The following GRIP1 variants were observed in gnomAD, a reference collection of about 807,000 sequenced individuals.
The protein encoded by GRIP1 is glutamate receptor interacting protein 1.
GRIP1 carries 45 observed loss-of-function variants against 129.9 expected under a neutral mutation model. The ratio of observed to expected loss-of-function variants is 0.35; its 90% CI spans 0.27 to 0.44. GRIP1 has a LOEUF of 0.44. Ranked by LOEUF, GRIP1 falls within the 20% of genes least tolerant of loss-of-function variation. The pLI, the probability that GRIP1 is intolerant of heterozygous loss-of-function variation, is 1.00. For synonymous variants in GRIP1, 530 were observed against 520.8 expected, an observed-to-expected ratio of 1.02 and a Z score of -0.24; for missense variants, 1,196 against 1,396.8, an observed-to-expected ratio of 0.86 and a Z score of 2.29.
chr12:66,948,518 A>G (rs1027288496), intron 1 of GRIP1, among the ~76,000 whole-genome samples: 1 of 152,214 alleles, frequency 6.6e-6, no homozygotes, highest in Non-Finnish European at 1.5e-5. Flanking sequence ...GGCTCATAGA[A>G]GAAGATTATG....
chr12:66,758,022 T>C (rs1185609697), intron 1 of GRIP1, among the ~76,000 whole-genome samples: 2 of 152,012 alleles, frequency 1.3e-5, no homozygotes, highest in Non-Finnish European at 2.9e-5. Flanking sequence ...TATTTTACTA[T>C]AAAAATAAAA....
intron 1 of GRIP1, among the ~76,000 whole-genome samples, chr12:66,938,138 G>A (rs2041517637): frequency 6.6e-6 from 1 of 152,152 alleles, no homozygotes; most frequent in African/African-American, 2.4e-5. Flanking sequence ...AGCACTTTGG[G>A]AGGCCAAGGC....
chr12:66,590,957 C>G (rs910895971), intron 2 of GRIP1, among the ~76,000 whole-genome samples: 1 of 152,166 alleles, frequency 6.6e-6, no homozygotes, highest in Non-Finnish European at 1.5e-5. Flanking sequence ...AGATTCCTCA[C>G]AGAGAAAATC....
intron 1 of GRIP1, among the ~76,000 whole-genome samples, chr12:66,722,360 G>A (rs1030669965): frequency 1.3e-5 from 2 of 152,230 alleles, no homozygotes; most frequent in African/African-American, 4.8e-5. Context: ...TCCCAGGAGA[G>A]GGAGACAGAC....
chr12:66,684,642 C>T (rs1336303941), intron 1 of GRIP1, among the ~76,000 whole-genome samples: 1 of 152,078 alleles, frequency 6.6e-6, no homozygotes, highest in Non-Finnish European at 1.5e-5. Context: ...GTCAGGAGTT[C>T]AAGACCAGTC....
chr12:67,050,650 CT>C (rs1336417586), intron 1 of GRIP1, among the ~76,000 whole-genome samples: 1 of 152,120 alleles, frequency 6.6e-6, no homozygotes. Flanking sequence ...TATACCTGCT[CT>C]TAAGATTTTT....
At chr12:66,617,125 G>GTGTGTGTGTC (rs905683857) in intron 1 of GRIP1, among the ~76,000 whole-genome samples, 2 of 150,010 alleles carry the variant, frequency 1.3e-5, no homozygotes, top group African/African-American at 4.9e-5. Context: ...GTGTGTGTGT[G>GTGTGTGTGTC]TCTGCACGTG....
Position 67,044,298 on chromosome 12 carries a change from T to C in GRIP1, c.58+24752A>G, listed in dbSNP as rs576844899. ...CAAGAACTTTTTCCCCTAAATTTAA[T>C]ATGCGAATTGCTCCCAACTTGAGAG... On this transcript the variant is annotated intron_variant, in intron 1 of 1. Coordinates refer to the GRIP1 transcript ENST00000643019. Among the ~76,000 whole-genome samples the C allele has an allele frequency of 1.4e-3, 211 of 152,344 alleles. 1 individual carries two copies. The South Asian group carries it at 0.015, about 11-fold the overall frequency.
upstream of GRIP1, among the ~76,000 whole-genome samples, chr12:66,806,376 T>C (rs74098247): frequency 0.016 from 2,423 of 152,298 alleles, 76 homozygotes; most frequent in African/African-American, 0.056. Context: ...TTGAAAAAAT[T>C]GTCAACTTTC....
Position 66,349,129 on chromosome 12 carries a change from T to C in GRIP1, c.3277A>G (p.Ile1093Val), listed in dbSNP as rs1366157454. 2.5e-6 allele frequency: 4 copies of C among 1,614,024 alleles called. No homozygotes were observed. Among genetic ancestry groups the C allele is most frequent in the Non-Finnish European group, 3.4e-6 (4 of 1,179,868 alleles). Reference protein sequence around the residue: ...SRNPLASQKSIDQQSLPGDWS... With the variant: ...SRNPLASQKSVDQQSLPGDWS... ...TCTCCTGGTAGACTCTGTTGGTCTA[T>C]AGACTTCTGTGAAGCCAGTGGGTTT... Residue 1093 changes from isoleucine (I) to valine (V), a missense_variant, in exon 25 of 25, where the codon ATA (isoleucine) becomes GTA (valine). Physicochemically the swap from Ile to Val is conservative, Grantham distance 29 (BLOSUM62 3). Coordinates refer to ENST00000359742, the MANE Select transcript of GRIP1 (RefSeq NM_001366722.1).
At chr12:66,728,341 C>A (rs1478649133) in intron 1 of GRIP1, among the ~76,000 whole-genome samples, 9 of 152,140 alleles carry the variant, frequency 5.9e-5, no homozygotes, top group Admixed American at 5.9e-4. Context: ...TGCAGGGCTG[C>A]AACGGCTCAT....
chr12:66,846,601 A>G (rs2039820581), intron 1 of GRIP1, among the ~76,000 whole-genome samples: 1 of 152,218 alleles, frequency 6.6e-6, no homozygotes, highest in African/African-American at 2.4e-5. Context: ...GAGGCTATGA[A>G]TATGTTTCTT....
chr12:66,856,383 A>T (rs1469082290), intron 1 of GRIP1, among the ~76,000 whole-genome samples: 1 of 152,148 alleles, frequency 6.6e-6, no homozygotes, highest in East Asian at 1.9e-4. Flanking sequence ...GGATCTAATT[A>T]AACTAAAGAG....
chr12:66,973,919 C>CTTTTTTTTTTTTTTTTTTT (rs535699240), intron 1 of GRIP1, among the ~76,000 whole-genome samples: 1 of 121,358 alleles, frequency 8.2e-6, no homozygotes, highest in Non-Finnish European at 1.7e-5. Flanking sequence ...CTTTTCTTTT[C>CTTTTTTTTTTTTTTTTTTT]TTTTTTTTTT....
intron 1 of GRIP1, among the ~76,000 whole-genome samples, chr12:66,758,033 C>A (rs1039763915): frequency 6.6e-6 from 1 of 151,742 alleles, no homozygotes. Context: ...AAAAATAAAA[C>A]AGAAAAAATT....
chr12:66,661,256 A>G (rs1006922856), intron 1 of GRIP1, among the ~76,000 whole-genome samples: 2 of 152,074 alleles, frequency 1.3e-5, no homozygotes, highest in Non-Finnish European at 2.9e-5. Context: ...CTGAATATCA[A>G]CTGGCCGAAG....
chr12:66,527,348 A>G (rs1278165675), intron 5 of GRIP1, among the ~76,000 whole-genome samples: 2 of 152,068 alleles, frequency 1.3e-5, no homozygotes, highest in African/African-American at 4.8e-5. Flanking sequence ...ATGCAGCCAT[A>G]AAAAATGATG....
At position 66,466,102 on chromosome 12, in the gene GRIP1, C is replaced by T. The variant is rs150228168; in HGVS notation, c.725-680G>A. 1.5e-4 allele frequency among the ~76,000 whole-genome samples: 23 copies of T among 152,290 alleles called. No homozygotes were observed. The East Asian group carries it at 4.4e-3, about 29-fold the overall frequency. On this transcript the variant is annotated intron_variant, in intron 7 of 24. Coordinates refer to ENST00000359742, the MANE Select transcript of GRIP1 (RefSeq NM_001366722.1). Reference sequence around the variant, plus strand: ...TGCTTTATTTTTGGCTTGGAACACTCTTTGTTCCTTCAACTCCTTCTAACA... The same window carrying T: ...TGCTTTATTTTTGGCTTGGAACACTTTTTGTTCCTTCAACTCCTTCTAACA...
chr12:66,436,700 G>C (rs1265494939), intron 13 of GRIP1, among the ~76,000 whole-genome samples: 1 of 151,900 alleles, frequency 6.6e-6, no homozygotes, highest in African/African-American at 2.4e-5. Context: ...GACAGATTTG[G>C]GGCCAGGCGC....
Sources: gnomAD v4.1 joint callset for allele counts (sites outside exome capture counted in the v4.1 genomes callset) on GRCh38, gnomAD v4.1.1 for gene constraint, MANE v1.5 for transcripts, NCBI Gene and HGNC (gene_info 2026-07-23, HGNC 2026-07-21) for gene names.